The following EMD variants were observed in gnomAD, a reference collection of about 807,000 sequenced individuals.
The protein encoded by EMD is LEM domain containing 5.
EMD carries 2 observed loss-of-function variants against 15.2 expected under a neutral mutation model. The ratio of observed to expected loss-of-function variants is 0.13; its 90% CI spans 0.05 to 0.41. The LOEUF (loss-of-function observed/expected upper bound fraction) is 0.41, where lower values mean the gene tolerates loss of function less well. Among genes scored for constraint, EMD ranks in the 10% least tolerant of loss-of-function variants. The pLI is 0.99. For synonymous variants in EMD, 122 were observed against 86.2 expected (o/e 1.42, Z -2.30); for missense variants, 224 against 213.4 (o/e 1.05, Z -0.31).
Position 154,381,106 on chromosome X carries a change from T to G in EMD, c.674T>G (p.Leu225Arg). The part of the protein sequence containing the change: ...AGLGQDRQVP[L>R]WGQLLLFLVF... ...CTGGGCCAGGATCGCCAGGTCCCGCTCTGGGGCCAGCTGCTGCTTTTCCTG... is the reference window on the plus strand; with the variant it reads ...CTGGGCCAGGATCGCCAGGTCCCGCGCTGGGGCCAGCTGCTGCTTTTCCTG... The change falls in exon 6 of 6, where the codon CTC becomes CGC. Residue 225 changes from leucine (L) to arginine (R), a missense_variant. Coordinates refer to ENST00000369842, the MANE Select transcript of EMD (RefSeq NM_000117.3). The G allele has an allele frequency of 8.3e-7, 1 of 1,211,993 alleles. No individual in the cohort carries two copies. The highest frequency in any genetic ancestry group is 1.1e-6 in the Non-Finnish European group (1 of 895,495).
intron 4 of EMD, 192 bp downstream of exon 4, chrX:154,380,559 T>A: frequency 1.2e-6 from 1 of 838,838 alleles, no homozygotes; most frequent in Non-Finnish European, 1.7e-6. Context: ...CAAAAGGGGA[T>A]GCTGGGGCAT....
intron 3 of EMD, 58 bp downstream of exon 3, chrX:154,380,077 C>T (rs782746799): frequency 9.5e-5 from 113 of 1,190,887 alleles, no homozygotes; most frequent in Non-Finnish European, 1.2e-4. Context: ...TCAGGGACCC[C>T]GCTCACAGGG....
rs978311397 is a variant in EMD, at chrX:154,379,403, C to T, written c.-82C>T. ...TCCCGATGCGCTCGTGCCGCCCCCGCCGTGCTCCTCGGCAGCCGTTGCTCG... is the reference window on the plus strand; with the variant it reads ...TCCCGATGCGCTCGTGCCGCCCCCGTCGTGCTCCTCGGCAGCCGTTGCTCG... On this transcript the variant is annotated 5_prime_UTR_variant, in exon 1 of 6. Transcript: ENST00000369842. 2.7e-5 allele frequency: 28 copies of T among 1,042,391 alleles called. No individual in the cohort carries two copies. In the Admixed American group the frequency reaches 3.4e-4, roughly 13 times the overall value. The allele number at this position is 1,042,391 out of a possible 1,213,427, so 85.9% of individuals were successfully genotyped here.
intron 2 of EMD, 64 bp downstream of exon 2, chrX:154,379,858 AG>A: frequency 8.5e-7 from 1 of 1,170,282 alleles, no homozygotes; most frequent in Non-Finnish European, 1.2e-6. Flanking sequence ...AGGGTGTGGC[AG>A]GGGGGCCGGT....
rs1474059489 is a variant in EMD at position 154,380,317 on chromosome X, G to C, written c.349G>C (p.Val117Leu). ...EPESAGPSRA[V>L]RQSVTSFPDA... ...CGAGTCTGCCGGCCCGTCCAGGGCT[G>C]TCCGCCAGTCAGTGACTTCATTCCC... The change falls in exon 4 of 6, where the codon GTC (valine) becomes CTC (leucine). Residue 117 changes from valine (V) to leucine (L), a missense_variant. Val to Leu is a conservative substitution (Grantham distance 32, BLOSUM62 1). Coordinates refer to ENST00000369842, the MANE Select transcript of EMD (RefSeq NM_000117.3). The C allele has an allele frequency of 2.5e-6, 3 of 1,210,242 alleles. No individual in the cohort carries two copies.
chrX:154,379,625 C>T (rs781833397), intron 1 of EMD, 59 bp downstream of exon 1: 22 of 1,195,323 alleles, frequency 1.8e-5, no homozygotes, highest in Admixed American at 2.2e-5. Context: ...GCCTCGCGAC[C>T]TCCCCGCTGC....
intron 5 of EMD, 27 bp from the exon 6 acceptor site, chrX:154,380,855 C>T (rs2067883454): frequency 1.7e-6 from 2 of 1,211,755 alleles, no homozygotes; most frequent in Non-Finnish European, 2.2e-6. Context: ...AGGCTCCTGG[C>T]CCACTTGCTC....
chrX:154,380,603 C>T (rs1407898872), intron 4 of EMD, 150 bp from the exon 5 acceptor site: 1 of 887,055 alleles, frequency 1.1e-6, no homozygotes, highest in Non-Finnish European at 1.6e-6. Context: ...GGATAAAGGG[C>T]TGAACACCCA....
chrX:154,379,664 G>A, intron 1 of EMD, 26 bp from the exon 2 acceptor site: 1 of 1,204,128 alleles, frequency 8.3e-7, no homozygotes, highest in Non-Finnish European at 1.1e-6. Flanking sequence ...CCGGCCCGCG[G>A]CCCTGACCGC....
rs782641259 is a variant in EMD, at chrX:154,379,994, G to A, written c.240G>A (p.Glu80=). The change falls in exon 3 of 6, where the codon GAG becomes GAA. Residue 80 remains glutamate, a synonymous_variant. Coordinates refer to ENST00000369842, the MANE Select transcript of EMD (RefSeq NM_000117.3). ...ATATGTATGATCTTCCCAAGAAAGAGGACGCTTTACTCTACCAGAGCAAGG... is the reference window on the plus strand; with the variant it reads ...ATATGTATGATCTTCCCAAGAAAGAAGACGCTTTACTCTACCAGAGCAAGG... The part of the protein sequence containing the change: ...DADMYDLPKK[E]DALLYQSKGY... 8.3e-6 allele frequency: 10 copies of A among 1,210,148 alleles called. No homozygotes were observed. The highest frequency in any genetic ancestry group is 1.8e-5 in the South Asian group (1 of 56,857).
chrX:154,380,428 G>A, intron 4 of EMD, 61 bp downstream of exon 4: 1 of 1,207,719 alleles, frequency 8.3e-7, no homozygotes, highest in African/African-American at 1.7e-5. Flanking sequence ...GGCTGTGTTT[G>A]GATAAATCCA....
chrX:154,380,240 A>G lies in EMD; in HGVS notation c.272A>G (p.Asn91Ser), dbSNP rs137977232. Residue 91 changes from asparagine to serine, a missense_variant, in exon 4 of 6, where the codon AAT becomes AGT. By Grantham distance (46) the Asn-to-Ser change is conservative. Coordinates refer to ENST00000369842, the MANE Select transcript of EMD (RefSeq NM_000117.3). ...DALLYQSKGY[N>S]DDYYEESYFT... is the part of the protein sequence containing the mutation. ...CGCTGCCCCCCTTCCCAAGGCTACAATGACGACTACTATGAAGAGAGCTAC... is the reference window on the plus strand; with the variant it reads ...CGCTGCCCCCCTTCCCAAGGCTACAGTGACGACTACTATGAAGAGAGCTAC... The G allele has an allele frequency of 1.8e-4, 222 of 1,208,664 alleles. No individual in the cohort carries two copies. Among genetic ancestry groups the G allele is most frequent in the Non-Finnish European group, 4.8e-5 (43 of 895,233 alleles).
Position 154,379,332 on chromosome X carries a change from C to A in EMD, c.-153C>A. ...CAGCGGCCGTGACGCGACAACGATT[C>A]GGCTGTGACGCGACAACGATTCGGC... On this transcript the variant is annotated 5_prime_UTR_variant, in exon 1 of 6. Coordinates refer to ENST00000369842, the MANE Select transcript of EMD (RefSeq NM_000117.3). The A allele has an allele frequency of 1.8e-6, 1 of 551,654 alleles. No homozygotes were observed. The allele number at this position is 551,654 out of a possible 1,213,427, so 45.5% of individuals were successfully genotyped here.
At position 154,380,897 on chromosome X, in the gene EMD, C is replaced by T. The variant is rs143447675; in HGVS notation, c.465C>T (p.Tyr155=). 873 of 1,210,507 alleles carry T rather than the reference C, an allele frequency of 7.2e-4. 3 individuals carry two copies. The African/African-American group carries it at 0.012, about 17-fold the overall frequency. ...TTTGCCTCAGGGAACGCCCCATGTA[C>T]GGCCGGGACAGTGCCTACCAGAGCA... ...EECKDRERPM[Y]GRDSAYQSIT... Residue 155 remains tyrosine (Y), a synonymous_variant, in exon 6 of 6, where the codon TAC becomes TAT. Transcript: ENST00000369842.
chrX:154,379,770 G>T lies in EMD; in HGVS notation c.163G>T (p.Ala55Ser). Residue 55 changes from alanine to serine, a missense_variant, in exon 2 of 6, where the codon GCC becomes TCC. Transcript: ENST00000369842. ...GCGGCTCTCGCCCCCCAGCTCGTCC[G>T]CCGCCTCCTCTTATAGCTTCTCTGG... The part of the protein sequence containing the change: ...RRRLSPPSSS[A>S]ASSYSFSDLN... 1 of 1,205,315 alleles carries T rather than the reference G, an allele frequency of 8.3e-7. No individual in the cohort carries two copies.
At position 154,381,113 on chromosome X, in the gene EMD, C is replaced by A. The variant is rs781875808; in HGVS notation, c.681C>A (p.Gly227=). 1 of 1,211,945 alleles carries A rather than the reference C, an allele frequency of 8.3e-7. No individual in the cohort carries two copies. The highest frequency in any genetic ancestry group is 2.2e-5 in the Admixed American group (1 of 46,100). The change falls in exon 6 of 6, where the codon GGC becomes GGA. Residue 227 remains glycine, a synonymous_variant. Transcript: ENST00000369842. ...AGGATCGCCAGGTCCCGCTCTGGGG[C>A]CAGCTGCTGCTTTTCCTGGTCTTTG... ...LGQDRQVPLW[G]QLLLFLVFVI...
intron 4 of EMD, 167 bp downstream of exon 4, chrX:154,380,534 TGA>T (rs2067881249): frequency 2.2e-6 from 2 of 923,139 alleles, no homozygotes; most frequent in East Asian, 6.6e-5. Flanking sequence ...AGACTCTTCC[TGA>T]GAGTCCTGGG....
At position 154,380,235 on chromosome X, in the gene EMD, C is replaced by G. The variant is rs1201464258; in HGVS notation, c.267C>G (p.Gly89=). 4 of 1,209,974 alleles carry G rather than the reference C, an allele frequency of 3.3e-6. No individual in the cohort carries two copies. The African/African-American group carries it at 7.0e-5, about 21-fold the overall frequency. ...KEDALLYQSK[G]YNDDYYEESY... Reference sequence around the variant, plus strand: ...GCTACCGCTGCCCCCCTTCCCAAGGCTACAATGACGACTACTATGAAGAGA... The same window carrying G: ...GCTACCGCTGCCCCCCTTCCCAAGGGTACAATGACGACTACTATGAAGAGA... Residue 89 remains glycine, a splice_region_variant and synonymous_variant, in exon 4 of 6, where the codon GGC becomes GGG. Coordinates refer to ENST00000369842, the MANE Select transcript of EMD (RefSeq NM_000117.3).
chrX:154,379,297 C>G lies in EMD; in HGVS notation c.-188C>G, dbSNP rs781786892. On this transcript the variant is annotated 5_prime_UTR_variant, in exon 1 of 6. Transcript: ENST00000369842. ...GTCCCGCCCCGCGCAGCGCGCGCAG[C>G]CTGCGGAGCCAGCGGCCGTGACGCG... 426 of 435,776 alleles carry G rather than the reference C, an allele frequency of 9.8e-4. 2 individuals are homozygous for G. Among genetic ancestry groups the G allele is most frequent in the African/African-American group, 9.6e-3 (366 of 37,952 alleles). 35.9% of individuals were successfully genotyped at this position (435,776 alleles called of 1,213,427 possible).
Sources: gnomAD v4.1 joint callset for allele counts on GRCh38, gnomAD v4.1.1 for gene constraint, MANE v1.5 for transcripts, NCBI Gene and HGNC (gene_info 2026-07-23, HGNC 2026-07-21) for gene names.